The following RANBP2 variants were observed in gnomAD, a reference collection of about 807,000 sequenced individuals.
RANBP2 encodes E3 SUMO-protein ligase RanBP2.
Under a neutral mutation model 303.6 loss-of-function variants are expected in RANBP2, and 57 were observed. The observed-to-expected ratio is 0.19, with a 90% CI of 0.15 to 0.23. The LOEUF is 0.23. RANBP2 is among the 10% of genes least tolerant of loss of function. RANBP2 has a pLI of 1.00. For missense variants in RANBP2, 3,138 were observed against 3,780.8 expected (o/e 0.83, Z 4.46); for synonymous variants, 1,167 against 1,301.5 (o/e 0.90, Z 2.23).
At chr2:109,099,267 C>G in the RANBP2 span, among the ~76,000 whole-genome samples, 1 of 152,222 alleles carries the variant, frequency 6.6e-6, no homozygotes, top group Non-Finnish European at 1.5e-5. Flanking sequence ...TAAACATTAA[C>G]TTAATGTTTA....
the RANBP2 span, among the ~76,000 whole-genome samples, chr2:109,513,677 C>T: frequency 3.3e-5 from 5 of 152,184 alleles, no homozygotes; most frequent in East Asian, 1.9e-4. Flanking sequence ...AGGACACCTG[C>T]GTAGATGAGG....
chr2:109,710,200 G>A, the RANBP2 span, among the ~76,000 whole-genome samples: 32,943 of 151,038 alleles, frequency 0.22, 3,692 homozygotes, highest in East Asian at 0.31. Context: ...TGGCCAACGC[G>A]GTGAAAACCC....
At chr2:108,804,373 T>C in the RANBP2 span, among the ~76,000 whole-genome samples, 9 of 152,322 alleles carry the variant, frequency 5.9e-5, no homozygotes, top group East Asian at 1.5e-3. Flanking sequence ...AGAAATTTTA[T>C]TATGTATCTA....
chr2:109,359,613 T>C, the RANBP2 span, among the ~76,000 whole-genome samples: 1 of 152,162 alleles, frequency 6.6e-6, no homozygotes, highest in Non-Finnish European at 1.5e-5. Context: ...CTGGTACAGG[T>C]TGAGCATCAC....
At chr2:108,798,169 G>A in the RANBP2 span, among the ~76,000 whole-genome samples, 1 of 152,210 alleles carries the variant, frequency 6.6e-6, no homozygotes, top group East Asian at 1.9e-4. Context: ...TCTGCATAGT[G>A]CTGATCCATT....
the RANBP2 span, among the ~76,000 whole-genome samples, chr2:109,269,940 A>T: frequency 5.9e-5 from 9 of 152,222 alleles, no homozygotes; most frequent in Non-Finnish European, 8.8e-5. Flanking sequence ...ACTACTAATA[A>T]GCTGGTTGTA....
chr2:109,139,223 G>T, the RANBP2 span, among the ~76,000 whole-genome samples: 81 of 152,238 alleles, frequency 5.3e-4, no homozygotes, highest in African/African-American at 1.9e-3. Flanking sequence ...AACCAGATGT[G>T]TTTGCATGAG....
chr2:108,723,124 CCT>C (rs1226544565), intron 1 of RANBP2, among the ~76,000 whole-genome samples: 2 of 152,094 alleles, frequency 1.3e-5, no homozygotes, highest in Non-Finnish European at 2.9e-5. Flanking sequence ...GATCCACCTA[CCT>C]CTGTTTCCTG....
At chr2:108,762,739 A>AG (rs1676814296) in intron 19 of RANBP2, among the ~76,000 whole-genome samples, 3 of 151,300 alleles carry the variant, frequency 2.0e-5, no homozygotes, top group Non-Finnish European at 2.9e-5. Flanking sequence ...TGAGATAATA[A>AG]TGTAAAGTGC....
chr2:109,166,082 G>A, the RANBP2 span, among the ~76,000 whole-genome samples: 1 of 152,204 alleles, frequency 6.6e-6, no homozygotes, highest in Non-Finnish European at 1.5e-5. Flanking sequence ...ACCTTTCAGA[G>A]TGGAGACTGG....
At chr2:109,264,330 C>G in the RANBP2 span, among the ~76,000 whole-genome samples, 7 of 150,200 alleles carry the variant, frequency 4.7e-5, no homozygotes, top group African/African-American at 1.5e-4. Flanking sequence ...GCTCCCCGTT[C>G]ACCTCCCCAG....
chr2:108,763,662 T>C lies in RANBP2; in HGVS notation c.3123T>C (p.Asp1041=). 6.2e-7 allele frequency: 1 copy of C among 1,614,150 alleles called. No individual in the cohort carries two copies. Among genetic ancestry groups the C allele is most frequent in the South Asian group, 1.1e-5 (1 of 91,086 alleles). The change falls in exon 20 of 29, where the codon GAT becomes GAC. Residue 1041 remains aspartate, a synonymous_variant. Coordinates refer to ENST00000283195, the MANE Select transcript of RANBP2 (RefSeq NM_006267.5). ...TTAACTCAAATTTCAAATCAAATGA[T>C]GGTGACTTCACGTTTTCCTCACCAC... ...FKFNSNFKSN[D]GDFTFSSPQV...
At chr2:109,466,182 A>T in the RANBP2 span, among the ~76,000 whole-genome samples, 2 of 143,556 alleles carry the variant, frequency 1.4e-5, no homozygotes, top group East Asian at 2.1e-4. Context: ...TCCCAGGTTC[A>T]AGCGATTCTC....
At chr2:109,201,398 T>A in the RANBP2 span, among the ~76,000 whole-genome samples, 40,580 of 152,020 alleles carry the variant, frequency 0.27, 5,785 homozygotes, top group East Asian at 0.47. Context: ...GCAGGCTGTT[T>A]CCCGGATCTC....
the RANBP2 span, among the ~76,000 whole-genome samples, chr2:109,390,446 A>G: frequency 6.6e-6 from 1 of 152,204 alleles, no homozygotes; most frequent in African/African-American, 2.4e-5. Flanking sequence ...CTGTTTTCTT[A>G]TTTAGTCCTG....
chr2:108,814,356 T>C, the RANBP2 span, among the ~76,000 whole-genome samples: 2 of 152,274 alleles, frequency 1.3e-5, no homozygotes, highest in East Asian at 1.9e-4. Context: ...CATTTTGATA[T>C]TTTGATAAAT....
the RANBP2 span, among the ~76,000 whole-genome samples, chr2:109,075,833 G>A: frequency 6.7e-6 from 1 of 150,132 alleles, no homozygotes; most frequent in Non-Finnish European, 1.5e-5. Flanking sequence ...ATTAATCAAA[G>A]ACCTCCCAAA....
At chr2:108,897,323 G>T in the RANBP2 span, 1 of 1,274,676 alleles carries the variant, frequency 7.8e-7, no homozygotes. Flanking sequence ...AAAATTATTT[G>T]AAAAAAATTT....
the RANBP2 span, among the ~76,000 whole-genome samples, chr2:109,695,038 T>C: frequency 5.9e-5 from 9 of 152,222 alleles, no homozygotes; most frequent in Admixed American, 5.9e-4. Context: ...TCTCAGGATC[T>C]CTGATTCTAT....
Sources: allele counts gnomAD v4.1 joint callset (sites outside exome capture counted in the v4.1 genomes callset), GRCh38; gene constraint gnomAD v4.1.1; transcripts MANE v1.5; gene names NCBI Gene and HGNC (gene_info 2026-07-23, HGNC 2026-07-21).